SPG11: variants seen among roughly 807,000 people sequenced by gnomAD.
SPG11 encodes the protein SPG11 vesicle trafficking associated, spatacsin.
Under a neutral mutation model 274.0 loss-of-function variants are expected in SPG11, and 222 were observed. The observed-to-expected ratio is 0.81, with a 90% CI of 0.73 to 0.91. The LOEUF is 0.91. SPG11 is among the 40% of genes least tolerant of loss of function. The pLI is 0.00. For synonymous variants in SPG11, 1,144 were observed against 1,039.7 expected, an observed-to-expected ratio of 1.10 and a Z score of -1.93; for missense variants, 3,114 against 2,872.7, an observed-to-expected ratio of 1.08 and a Z score of -1.92.
chr15:44,638,278 A>T (rs1292021913), intron 7 of SPG11, among the ~76,000 whole-genome samples: 1 of 152,138 alleles, frequency 6.6e-6, no homozygotes, highest in African/African-American at 2.4e-5. Flanking sequence ...CCTGCCCAAC[A>T]TGGTGAAATG....
chr15:44,567,171 C>G (rs1405356758), intron 36 of SPG11, among the ~76,000 whole-genome samples: 1 of 151,574 alleles, frequency 6.6e-6, no homozygotes, highest in African/African-American at 2.4e-5. Flanking sequence ...CCAACATAGT[C>G]AAACCCCATC....
rs929670187 is a variant in SPG11, at chr15:44,663,533, C to T, written c.115G>A (p.Gly39Arg). ...AGCTGCGCCCGGGAGCCGAGCTGCC[C>T]CATCGCCTCGGCGGGGACTGGCACC... ...LLVPVPAEAM[G>R]QLGSRAQLRT... Residue 39 changes from glycine to arginine, a missense_variant, in exon 1 of 40, where the codon GGG becomes AGG. By Grantham distance (125) the Gly-to-Arg change is moderately radical (BLOSUM62 -2). Transcript: ENST00000261866. 1 of 1,598,950 alleles carries T rather than the reference C, an allele frequency of 6.3e-7. No homozygotes were observed. Among genetic ancestry groups the T allele is most frequent in the Admixed American group, 1.7e-5 (1 of 58,132 alleles).
In SPG11 at chr15:44,562,935, A is replaced by C; in HGVS notation, c.*186T>G. On this transcript the variant is annotated 3_prime_UTR_variant, in exon 40 of 40. Transcript: ENST00000261866. ...TGTGGATGAACAATCATCTAAAATCAATCTATTTTAAATAGGAATTTCCTC... is the reference window on the plus strand; with the variant it reads ...TGTGGATGAACAATCATCTAAAATCCATCTATTTTAAATAGGAATTTCCTC... The C allele has an allele frequency of 1.7e-6, 1 of 594,866 alleles. No homozygotes were observed. The highest frequency in any genetic ancestry group is 3.0e-6 in the Non-Finnish European group (1 of 336,476). The allele number at this position is 594,866 out of a possible 1,614,324, so 36.8% of individuals were successfully genotyped here.
chr15:44,576,142 CAAAAAAAAAAA>C (rs201558800), intron 30 of SPG11, among the ~76,000 whole-genome samples: 1 of 43,060 alleles, frequency 2.3e-5, no homozygotes, highest in Non-Finnish European at 3.9e-5. Flanking sequence ...AACTCCATCT[CAAAAAAAAAAA>C]AAAAAAAAAA....
intron 20 of SPG11, among the ~76,000 whole-genome samples, chr15:44,601,669 T>C (rs2083193624): frequency 6.6e-6 from 1 of 151,838 alleles, no homozygotes; most frequent in South Asian, 2.1e-4. Context: ...GTGATTCTCC[T>C]GCCTTAGCCT....
intron 35 of SPG11, 39 bp from the exon 36 acceptor site, chr15:44,567,631 G>C: frequency 6.2e-7 from 1 of 1,610,982 alleles, no homozygotes; most frequent in Admixed American, 1.7e-5. Flanking sequence ...GTGTCAGTCA[G>C]GGACTGCAAG....
intron 7 of SPG11, among the ~76,000 whole-genome samples, chr15:44,635,068 T>A (rs1226501999): frequency 6.6e-6 from 1 of 151,018 alleles, no homozygotes; most frequent in Non-Finnish European, 1.5e-5. Flanking sequence ...ATACAAAAAT[T>A]AGCCAGGTGT....
In SPG11 at chr15:44,589,274, T is replaced by G. The variant is rs773574901; in HGVS notation, c.4884A>C (p.Glu1628Asp). 6.2e-7 allele frequency: 1 copy of G among 1,614,054 alleles called. No homozygotes were observed. Among genetic ancestry groups the G allele is most frequent in the South Asian group, 1.1e-5 (1 of 91,074 alleles). Residue 1628 changes from glutamate (E) to aspartate (D), a missense_variant, in exon 28 of 40, where the codon GAA becomes GAC. By Grantham distance (45) the Glu-to-Asp change is conservative. Coordinates refer to ENST00000261866, the MANE Select transcript of SPG11 (RefSeq NM_025137.4). ...ELGKLLQLFVEREHLFSDGPD... is the reference protein window; with the variant it reads ...ELGKLLQLFVDREHLFSDGPD... ...TACCATCAGAGAAGAGATGCTCTCTTTCAACAAAGAGCTGTAAAAGCTTCC... is the reference window on the plus strand; with the variant it reads ...TACCATCAGAGAAGAGATGCTCTCTGTCAACAAAGAGCTGTAAAAGCTTCC...
intron 7 of SPG11, 48 bp downstream of exon 7, chr15:44,648,818 A>G (rs577765148): frequency 3.8e-6 from 6 of 1,588,270 alleles, no homozygotes; most frequent in East Asian, 2.2e-5. Context: ...ATAAAAGTAT[A>G]TAACACAAAA....
chr15:44,600,580 A>G lies in SPG11; in HGVS notation c.3573T>C (p.Tyr1191=), dbSNP rs1033114266. The part of the protein sequence containing the change: ...HFSSPDLVNK[Y]AIVERLNFAY... The stretch of plus-strand genomic sequence containing the variant: ...CAAAATTCAGACGTTCCACTATAGC[A>G]TATTTATTAACCAGGTCAGGGCTAG... Residue 1191 remains tyrosine, a synonymous_variant, in exon 21 of 40, where the codon TAT becomes TAC. Coordinates refer to ENST00000261866, the MANE Select transcript of SPG11 (RefSeq NM_025137.4). The G allele has an allele frequency of 2.4e-5, 38 of 1,614,092 alleles. No homozygotes were observed. The highest frequency in any genetic ancestry group is 1.6e-4 in the Middle Eastern group (1 of 6,084).
In SPG11 at chr15:44,565,934, T is replaced by C. The variant is rs781690047; in HGVS notation, c.6919A>G (p.Thr2307Ala). ...TTGATGAGCATTGTGTTCTGGCCAG[T>C]GTTCAGAAAGTGAATCTGCAGAGTT... ...LITLQIHFLN[T>A]GQNTMLINLG... Residue 2307 changes from threonine (T) to alanine (A), a missense_variant, in exon 38 of 40, where the codon ACT becomes GCT. Physicochemically the swap from Thr to Ala is moderately conservative, Grantham distance 58. Transcript: ENST00000261866. 2 of 1,613,824 alleles carry C rather than the reference T, an allele frequency of 1.2e-6. No homozygotes were observed. Among genetic ancestry groups the C allele is most frequent in the Admixed American group, 1.7e-5 (1 of 59,974 alleles).
At chr15:44,597,733 T>C (rs1389773484) in intron 23 of SPG11, among the ~76,000 whole-genome samples, 2 of 152,208 alleles carry the variant, frequency 1.3e-5, no homozygotes, top group African/African-American at 2.4e-5. Flanking sequence ...TCTCAGGGTC[T>C]GGAGTGGTTA....
At chr15:44,635,623 A>T (rs537500395) in intron 7 of SPG11, among the ~76,000 whole-genome samples, 1 of 150,956 alleles carries the variant, frequency 6.6e-6, no homozygotes, top group Non-Finnish European at 1.5e-5. Context: ...AAAAAAAAGA[A>T]AAAAGGAAAA....
chr15:44,612,682 C>T (rs1225626974), intron 17 of SPG11, among the ~76,000 whole-genome samples: 4 of 152,120 alleles, frequency 2.6e-5, no homozygotes, highest in Admixed American at 6.5e-5. Context: ...AGGTGTGAGC[C>T]ACCACACCTG....
Position 44,653,188 on chromosome 15 carries a change from G to GA in SPG11, c.870-923dup, listed in dbSNP as rs2084837106. Among the ~76,000 whole-genome samples, 5 of 152,132 alleles carry GA rather than the reference G, an allele frequency of 3.3e-5. No individual in the cohort carries two copies. The South Asian group carries it at 1.0e-3, about 32-fold the overall frequency. On this transcript the variant is annotated intron_variant, in intron 4 of 39. Transcript: ENST00000261866. ...GAATTTTAAACTTTTATCTGAGGGG[G>GA]AAAAGGAACCTGAAGAAGGCTTTTA...
rs2084790795 is a variant in SPG11 at position 44,651,864 on chromosome 15, T to C, written c.1083A>G (p.Pro361=). ...CCAAATGCAAAATATCCTGGAACCA[T>C]GGAGCACAACAGGAAACCTCCAGTT... is the stretch of plus-strand genomic sequence containing the variant. The part of the protein sequence containing the change: ...NSKLEVSCCA[P]WFQDILHLES... Residue 361 remains proline, a synonymous_variant, in exon 6 of 40, where the codon CCA becomes CCG. Coordinates refer to ENST00000261866, the MANE Select transcript of SPG11 (RefSeq NM_025137.4). 1.2e-6 allele frequency: 2 copies of C among 1,613,802 alleles called. No homozygotes were observed. The highest frequency in any genetic ancestry group is 1.3e-5 in the African/African-American group (1 of 75,040).
At chr15:44,607,010 T>A (rs1001015205) in intron 19 of SPG11, among the ~76,000 whole-genome samples, 4 of 152,212 alleles carry the variant, frequency 2.6e-5, no homozygotes, top group South Asian at 2.1e-4. Context: ...TTTATACCAG[T>A]GCTACTCAAA....
chr15:44,640,015 C>T lies in SPG11; in HGVS notation c.1603-6378G>A, dbSNP rs147726603. Among the ~76,000 whole-genome samples, 577 of 152,208 alleles carry T rather than the reference C, an allele frequency of 3.8e-3. 13 individuals are homozygous for T. The highest frequency in any genetic ancestry group is 0.037 in the East Asian group (192 of 5,166). The stretch of plus-strand genomic sequence containing the variant: ...TATGAGGTCAAGAGATCGAGACCAG[C>T]CTGGCTAACACAGTGAAACCCCGTC... On this transcript the variant is annotated intron_variant, in intron 7 of 39. Transcript: ENST00000261866.
intron 35 of SPG11, among the ~76,000 whole-genome samples, chr15:44,568,651 C>T (rs958426206): frequency 6.6e-6 from 1 of 152,164 alleles, no homozygotes; most frequent in Non-Finnish European, 1.5e-5. Context: ...GGCTCCACAG[C>T]TTTTTGGTCT....
Sources: gnomAD v4.1 joint callset for allele counts (sites outside exome capture counted in the v4.1 genomes callset) on GRCh38, gnomAD v4.1.1 for gene constraint, MANE v1.5 for transcripts, NCBI Gene and HGNC (gene_info 2026-07-23, HGNC 2026-07-21) for gene names.